Variants in INPP5B observed in about 807,000 individuals in gnomAD.
The protein encoded by INPP5B is inositol polyphosphate-5-phosphatase B.
Under a neutral mutation model 118.5 loss-of-function variants are expected in INPP5B, and 90 were observed. That is an observed-to-expected ratio of 0.76 (90% CI 0.64 to 0.90). The LOEUF (loss-of-function observed/expected upper bound fraction) is 0.90. INPP5B is among the 40% of genes least tolerant of loss of function. INPP5B has a pLI of 0.00. For missense variants in INPP5B, 984 were observed against 1,125.6 expected (o/e 0.87, Z 1.80); for synonymous variants, 385 against 418.9 (o/e 0.92, Z 0.99).
Position 37,865,747 on chromosome 1 carries a change from A to G in INPP5B, c.2514+14T>C, listed in dbSNP as rs1278354193. On this transcript the variant is annotated intron_variant, in intron 22 of 23. Transcript: ENST00000373024. ...TCTGGGGCTAACCACATGCTGCTCA[A>G]TGCTTCCTCTCACCTGTTTGCTTGC... 2.5e-6 allele frequency: 4 copies of G among 1,611,688 alleles called. No homozygotes were observed. The highest frequency in any genetic ancestry group is 3.4e-6 in the Non-Finnish European group (4 of 1,178,578).
chr1:37,903,521 T>C (rs1177080959), intron 7 of INPP5B, among the ~76,000 whole-genome samples: 3 of 152,156 alleles, frequency 2.0e-5, no homozygotes, highest in Non-Finnish European at 4.4e-5. Flanking sequence ...GGTCAGGAGA[T>C]TGAGACCATT....
intron 5 of INPP5B, 144 bp downstream of exon 5, chr1:37,943,496 G>A (rs1449190302): frequency 1.0e-5 from 8 of 769,814 alleles, no homozygotes; most frequent in East Asian, 7.8e-5. Context: ...ATGAGCCCAC[G>A]GAGATGGGCT....
intron 7 of INPP5B, among the ~76,000 whole-genome samples, chr1:37,893,085 C>T (rs374388709): frequency 1.8e-4 from 15 of 81,414 alleles, no homozygotes; most frequent in African/African-American, 4.2e-4. Context: ...TTTTCTTTTT[C>T]TTTTTTTTTT....
intron 7 of INPP5B, among the ~76,000 whole-genome samples, chr1:37,909,812 T>C (rs2148595638): frequency 6.6e-6 from 1 of 152,312 alleles, no homozygotes; most frequent in South Asian, 2.1e-4. Context: ...TGTAATTACT[T>C]GCCTCCGCTG....
intron 7 of INPP5B, among the ~76,000 whole-genome samples, chr1:37,892,325 A>G (rs903454077): frequency 6.6e-6 from 1 of 152,252 alleles, no homozygotes; most frequent in Non-Finnish European, 1.5e-5. Flanking sequence ...CTAGAAAATG[A>G]GAAGCGCTTG....
rs1309809692 is a variant in INPP5B at position 37,882,816 on chromosome 1, T to C, written c.1422A>G (p.Ala474=). The C allele has an allele frequency of 4.3e-6, 7 of 1,613,460 alleles. No homozygotes were observed. Among genetic ancestry groups the C allele is most frequent in the Admixed American group, 3.3e-5 (2 of 60,016 alleles). The change falls in exon 14 of 24, where the codon GCA becomes GCG. Residue 474 remains alanine (A), a synonymous_variant. Coordinates refer to ENST00000373024, the MANE Select transcript of INPP5B (RefSeq NM_005540.3). ...IEEKDFQMLY[A]YDQLKIQVAA... The stretch of plus-strand genomic sequence containing the variant: ...AGGTGGCCATCTGTACCTGATCATA[T>C]GCATACAGCATTTGAAAGTCCTTCT...
intron 2 of INPP5B, 65 bp from the exon 3 acceptor site, chr1:37,945,915 C>A (rs78361870): frequency 1.4e-6 from 2 of 1,461,490 alleles, no homozygotes; most frequent in South Asian, 1.2e-5. Context: ...GGCTGTCCCA[C>A]CTTCCCTCTG....
intron 7 of INPP5B, among the ~76,000 whole-genome samples, chr1:37,898,990 T>C (rs950335004): frequency 1.3e-5 from 2 of 151,886 alleles, no homozygotes; most frequent in Admixed American, 1.3e-4. Flanking sequence ...GAGACTAACC[T>C]GACCAACATG....
intron 19 of INPP5B, among the ~76,000 whole-genome samples, chr1:37,872,370 CAAAAAAAAAAA>C: frequency 9.8e-6 from 1 of 102,110 alleles, no homozygotes; most frequent in South Asian, 3.6e-4. Flanking sequence ...AACTCCGTCT[CAAAAAAAAAAA>C]AAAAAAAGAA....
chr1:37,889,808 A>C (rs1217260654), intron 8 of INPP5B, 84 bp from the exon 9 acceptor site: 2 of 1,010,842 alleles, frequency 2.0e-6, no homozygotes, highest in Non-Finnish European at 1.5e-6. Flanking sequence ...GTTCCCCTAT[A>C]CAAGCATCTA....
chr1:37,906,731 G>A (rs1644512666), intron 7 of INPP5B, among the ~76,000 whole-genome samples: 2 of 151,864 alleles, frequency 1.3e-5, no homozygotes, highest in South Asian at 4.2e-4. Flanking sequence ...ATGGTGGTGT[G>A]TGCCTATAAT....
intron 19 of INPP5B, among the ~76,000 whole-genome samples, chr1:37,871,765 C>T (rs1421206722): frequency 2.0e-5 from 3 of 151,428 alleles, no homozygotes; most frequent in African/African-American, 7.3e-5. Context: ...AGCATGATGG[C>T]GGGTGCCTGT....
chr1:37,884,899 G>C (rs1643429992), intron 13 of INPP5B: 1 of 151,974 alleles, frequency 6.6e-6, no homozygotes, highest in African/African-American at 2.4e-5. Flanking sequence ...GTGATGAGGC[G>C]AGATTGCGCC....
intron 12 of INPP5B, 62 bp from the exon 13 acceptor site, chr1:37,885,887 A>G (rs1570095548): frequency 1.3e-6 from 2 of 1,521,184 alleles, no homozygotes; most frequent in East Asian, 4.5e-5. Context: ...ACTTAAACCT[A>G]CAAACTTTCT....
chr1:37,897,127 G>A (rs1441939043), intron 7 of INPP5B, among the ~76,000 whole-genome samples: 5 of 150,574 alleles, frequency 3.3e-5, no homozygotes, highest in East Asian at 4.0e-4. Context: ...TCAGACCCCC[G>A]TCCGGCCAGC....
At chr1:37,934,201 G>T (rs574129931) in intron 6 of INPP5B, among the ~76,000 whole-genome samples, 3 of 152,022 alleles carry the variant, frequency 2.0e-5, no homozygotes, top group Admixed American at 1.3e-4. Flanking sequence ...CAAAAGTGCT[G>T]GGATTACAGG....
At chr1:37,931,616 G>T in intron 7 of INPP5B, 1 of 1,537,166 alleles carries the variant, frequency 6.5e-7, no homozygotes, top group South Asian at 1.2e-5. Flanking sequence ...CCGAGGGCCG[G>T]GCGCACCGCC....
intron 10 of INPP5B, 59 bp from the exon 11 acceptor site, chr1:37,887,524 C>A: frequency 9.8e-7 from 1 of 1,019,336 alleles, no homozygotes; most frequent in Non-Finnish European, 1.5e-6. Flanking sequence ...ATGACACATT[C>A]TCAGATTGGT....
chr1:37,927,961 C>T (rs1434904115), intron 7 of INPP5B, among the ~76,000 whole-genome samples: 2 of 152,166 alleles, frequency 1.3e-5, no homozygotes, highest in East Asian at 1.9e-4. Flanking sequence ...TCTATTAATG[C>T]AAAGGCAAAG....
Sources: allele counts gnomAD v4.1 joint callset (sites outside exome capture counted in the v4.1 genomes callset), GRCh38; gene constraint gnomAD v4.1.1; transcripts MANE v1.5; gene names NCBI Gene and HGNC (gene_info 2026-07-23, HGNC 2026-07-21).